Variants in KCTD1 observed in about 807,000 individuals in gnomAD.
KCTD1 encodes potassium channel tetramerization domain containing 1, also known as BTB/POZ domain-containing protein KCTD1.
KCTD1 carries 24 observed loss-of-function variants against 66.0 expected under a neutral mutation model. That is an observed-to-expected ratio of 0.36 (90% CI 0.26 to 0.51). The LOEUF (loss-of-function observed/expected upper bound fraction) is 0.51. KCTD1 is among the 20% of genes least tolerant of loss of function. The pLI is 0.95. For synonymous variants in KCTD1, 511 were observed against 517.2 expected (o/e 0.99, Z 0.16); for missense variants, 943 against 1,205.2 (o/e 0.78, Z 3.22).
chr18:26,636,227 T>C (rs986250110), intron 1 of KCTD1, among the ~76,000 whole-genome samples: 15 of 152,184 alleles, frequency 9.9e-5, no homozygotes, highest in Non-Finnish European at 1.5e-5. Context: ...ATGTTTGTGG[T>C]TGCAGAGTGC....
intron 1 of KCTD1, among the ~76,000 whole-genome samples, chr18:26,586,822 A>G (rs964449020): frequency 4.6e-5 from 7 of 152,184 alleles, no homozygotes; most frequent in Admixed American, 2.6e-4. Context: ...CTTCAATTCT[A>G]TGAAGGCTGA....
chr18:26,582,449 T>A (rs2144924636), intron 1 of KCTD1, among the ~76,000 whole-genome samples: 1 of 152,322 alleles, frequency 6.6e-6, no homozygotes, highest in East Asian at 1.9e-4. Context: ...ACTAGTGGAA[T>A]TGTAAATTAG....
intron 1 of KCTD1, among the ~76,000 whole-genome samples, chr18:26,521,090 T>C (rs565176240): frequency 6.6e-6 from 1 of 151,850 alleles, no homozygotes; most frequent in South Asian, 2.1e-4. Flanking sequence ...GGAGTGGGAG[T>C]GAAGGACAGG....
intron 1 of KCTD1, among the ~76,000 whole-genome samples, chr18:26,542,487 C>T (rs56036668): frequency 0.027 from 4,166 of 152,236 alleles, 197 homozygotes; most frequent in African/African-American, 0.095. Flanking sequence ...ACTCCTGTAT[C>T]GATTCTGCTT....
At chr18:26,488,200 C>T (rs1038370625) in intron 2 of KCTD1, among the ~76,000 whole-genome samples, 12 of 151,296 alleles carry the variant, frequency 7.9e-5, no homozygotes, top group Non-Finnish European at 1.3e-4. Flanking sequence ...TTTTTTTTAA[C>T]GTGGTTCCCT....
chr18:26,551,029 C>G (rs1394280780), upstream of KCTD1, among the ~76,000 whole-genome samples: 1 of 152,182 alleles, frequency 6.6e-6, no homozygotes, highest in African/African-American at 2.4e-5. Context: ...CACGCTGCAG[C>G]CTGGGAGCGG....
intron 1 of KCTD1, among the ~76,000 whole-genome samples, chr18:26,647,833 T>TTTTTG (rs1555649575): frequency 6.0e-4 from 91 of 151,570 alleles, no homozygotes; most frequent in African/African-American, 2.1e-3. Flanking sequence ...TAGATCTTTT[T>TTTTTG]TTTTGTTTTG....
rs8094187 is a variant in KCTD1 at position 26,606,136 on chromosome 18, G to A, written c.-16+23011C>T. Among the ~76,000 whole-genome samples, 1,339 of 152,306 alleles carry A rather than the reference G, an allele frequency of 8.8e-3. 24 individuals carry two copies. Among genetic ancestry groups the A allele is most frequent in the African/African-American group, 0.031 (1,277 of 41,566 alleles). On this transcript the variant is annotated intron_variant, in intron 1 of 4. Coordinates refer to the KCTD1 transcript ENST00000317932. ...ATTATCAATAGAAAGAAATGTCTGGGTTAAGATAAGGGGTTGTGGAGACCA... is the reference window on the plus strand; with the variant it reads ...ATTATCAATAGAAAGAAATGTCTGGATTAAGATAAGGGGTTGTGGAGACCA...
intron 1 of KCTD1, among the ~76,000 whole-genome samples, chr18:26,580,212 G>A (rs145880049): frequency 3.9e-5 from 6 of 152,176 alleles, no homozygotes; most frequent in Admixed American, 6.5e-5. Context: ...GCTTCTGGCC[G>A]GGGAGACAAA....
intron 1 of KCTD1, among the ~76,000 whole-genome samples, chr18:26,581,970 G>C (rs530849369): frequency 6.6e-6 from 1 of 152,106 alleles, no homozygotes; most frequent in Non-Finnish European, 1.5e-5. Flanking sequence ...AACCCAATAG[G>C]AAAGTATGCA....
intron 1 of KCTD1, among the ~76,000 whole-genome samples, chr18:26,541,614 G>A (rs1369934394): frequency 6.6e-6 from 1 of 152,198 alleles, no homozygotes. Context: ...TGGCTGTAAA[G>A]AAAGTGTTGA....
In KCTD1 at chr18:26,547,317, T is replaced by C; in HGVS notation, c.1220A>G (p.Gln407Arg). ...KRNPLCKAFF[Q>R]RPRDHCSEGD... is the part of the protein sequence containing the mutation. ...CTCGCTGCAGTGGTCCCGGGGCCGCTGGAAGAACGCCTTGCAGAGAGGGTT... is the reference window on the plus strand; with the variant it reads ...CTCGCTGCAGTGGTCCCGGGGCCGCCGGAAGAACGCCTTGCAGAGAGGGTT... The change falls in exon 1 of 5, where the codon CAG (glutamine) becomes CGG (arginine). Residue 407 changes from glutamine to arginine, a missense_variant. Physicochemically the swap from Gln to Arg is conservative, Grantham distance 43. This residue lies in a region of KCTD1 where 79 missense variants were observed against 133.9 expected (regional missense o/e 0.59). Coordinates refer to ENST00000580059, the MANE Select transcript of KCTD1 (RefSeq NM_001142730.3). 6.4e-7 allele frequency: 1 copy of C among 1,551,642 alleles called. No homozygotes were observed. The highest frequency in any genetic ancestry group is 8.7e-7 in the Non-Finnish European group (1 of 1,146,928).
upstream of KCTD1, among the ~76,000 whole-genome samples, chr18:26,633,525 A>G (rs2145049619): frequency 6.6e-6 from 1 of 152,306 alleles, no homozygotes; most frequent in East Asian, 1.9e-4. Context: ...AACATAAAAT[A>G]AAATAATTAC....
chr18:26,640,347 T>C (rs937061222), upstream of KCTD1: 1 of 152,008 alleles, frequency 6.6e-6, no homozygotes, highest in Non-Finnish European at 1.5e-5. Context: ...GGTGGTGGGG[T>C]AGCTGAGGTT....
chr18:26,596,831 C>T (rs796944438), intron 1 of KCTD1, among the ~76,000 whole-genome samples: 2 of 152,364 alleles, frequency 1.3e-5, no homozygotes, highest in African/African-American at 4.8e-5. Flanking sequence ...CTTAAACATT[C>T]TTCTCTCTTC....
At chr18:26,527,805 C>T (rs139995054) in intron 1 of KCTD1, among the ~76,000 whole-genome samples, 1 of 152,064 alleles carries the variant, frequency 6.6e-6, no homozygotes, top group Non-Finnish European at 1.5e-5. Flanking sequence ...TGCTGTGAAC[C>T]TAAAACTGCT....
At chr18:26,525,774 T>C (rs1420828002) in intron 1 of KCTD1, among the ~76,000 whole-genome samples, 1 of 152,110 alleles carries the variant, frequency 6.6e-6, no homozygotes, top group South Asian at 2.1e-4. Context: ...CAGGCTGGAG[T>C]GCAGTGACAT....
chr18:26,654,501 G>A (rs779583047), intron 1 of KCTD1, among the ~76,000 whole-genome samples: 1 of 151,996 alleles, frequency 6.6e-6, no homozygotes, highest in African/African-American at 2.4e-5. Flanking sequence ...TGCAAGCCCT[G>A]GCAAAGAATT....
intron 2 of KCTD1, among the ~76,000 whole-genome samples, chr18:26,490,407 G>A (rs1982135188): frequency 6.6e-6 from 1 of 152,124 alleles, no homozygotes; most frequent in Non-Finnish European, 1.5e-5. Context: ...TGAAGGCAGG[G>A]GACACTCTTC....
Sources: allele counts gnomAD v4.1 joint callset (sites outside exome capture counted in the v4.1 genomes callset), GRCh38; gene constraint gnomAD v4.1.1; regional missense constraint gnomAD v4.1.1; transcripts MANE v1.5; gene names NCBI Gene and HGNC (gene_info 2026-07-23, HGNC 2026-07-21).